The following PDIA5 variants were observed in gnomAD, a reference collection of about 807,000 sequenced individuals.
The protein encoded by PDIA5 is protein disulfide isomerase family A member 5.
PDIA5 carries 58 observed loss-of-function variants against 77.6 expected under a neutral mutation model. The observed-to-expected ratio is 0.75, with a 90% confidence interval of 0.61 to 0.93. The LOEUF (loss-of-function observed/expected upper bound fraction) is 0.93, where lower values mean the gene tolerates loss of function less well. Among genes scored for constraint, PDIA5 ranks in the 40% least tolerant of loss-of-function variants. PDIA5 has a pLI of 0.00. For synonymous variants in PDIA5, 250 were observed against 252.1 expected (o/e 0.99, Z 0.08); for missense variants, 630 against 647.7 (o/e 0.97, Z 0.30).
At chr3:123,105,855 T>C (rs1038423905) in intron 5 of PDIA5, among the ~76,000 whole-genome samples, 3 of 152,148 alleles carry the variant, frequency 2.0e-5, no homozygotes, top group Non-Finnish European at 4.4e-5. Flanking sequence ...TGATCCTGGC[T>C]CTCAGACTTT....
intron 13 of PDIA5, among the ~76,000 whole-genome samples, chr3:123,149,168 G>A (rs1326758951): frequency 6.6e-6 from 1 of 152,146 alleles, no homozygotes; most frequent in Non-Finnish European, 1.5e-5. Flanking sequence ...GAGGAGGGAA[G>A]AGTAATGTGT....
In PDIA5 at chr3:123,075,719, G is replaced by A. The variant is rs574506213; in HGVS notation, c.42+8513G>A. Among the ~76,000 whole-genome samples, 11 of 152,224 alleles carry A rather than the reference G, an allele frequency of 7.2e-5. No homozygotes were observed. The South Asian group carries it at 1.9e-3, about 26-fold the overall frequency. On this transcript the variant is annotated intron_variant, in intron 1 of 16. Transcript: ENST00000316218. ...AGTTTTTAAAAGATGGGTCAGTGAT[G>A]GAGTTTCTTCACCTTAAGGAGATAT...
chr3:123,130,396 G>A, intron 10 of PDIA5, 84 bp from the exon 11 acceptor site: 3 of 1,450,446 alleles, frequency 2.1e-6, no homozygotes, highest in Middle Eastern at 2.1e-4. Flanking sequence ...CCCATGGGGA[G>A]CTTTGGGTCC....
At chr3:123,086,440 G>A (rs563050513) in intron 1 of PDIA5, among the ~76,000 whole-genome samples, 1 of 152,282 alleles carries the variant, frequency 6.6e-6, no homozygotes, top group African/African-American at 2.4e-5. Flanking sequence ...GGCTGAGAAG[G>A]CGTGACTCAT....
At chr3:123,091,885 A>T (rs994169493) in intron 2 of PDIA5, among the ~76,000 whole-genome samples, 2 of 152,176 alleles carry the variant, frequency 1.3e-5, no homozygotes, top group Non-Finnish European at 2.9e-5. Context: ...GAAGGATCTG[A>T]TCCTAGCTCT....
intron 11 of PDIA5, among the ~76,000 whole-genome samples, chr3:123,139,905 C>T (rs1935584856): frequency 6.6e-6 from 1 of 152,180 alleles, no homozygotes; most frequent in Admixed American, 6.5e-5. Flanking sequence ...ACATACAGAG[C>T]CTCCATTCCA....
chr3:123,125,840 T>C (rs1170507562), intron 10 of PDIA5, among the ~76,000 whole-genome samples: 1 of 152,178 alleles, frequency 6.6e-6, no homozygotes, highest in African/African-American at 2.4e-5. Context: ...TTCCAGCCCC[T>C]GCCTGGGAAG....
intron 10 of PDIA5, among the ~76,000 whole-genome samples, chr3:123,128,266 G>A (rs1236814112): frequency 6.6e-6 from 1 of 152,182 alleles, no homozygotes; most frequent in East Asian, 1.9e-4. Flanking sequence ...CCCCTACTCT[G>A]CTTTTTCTGA....
At chr3:123,136,207 T>C (rs1935499761) in intron 11 of PDIA5, among the ~76,000 whole-genome samples, 1 of 152,194 alleles carries the variant, frequency 6.6e-6, no homozygotes, top group Admixed American at 6.5e-5. Context: ...GCAGCTGGGA[T>C]TATAGGCATG....
At chr3:123,132,788 A>G (rs1935400809) in intron 11 of PDIA5, among the ~76,000 whole-genome samples, 1 of 152,200 alleles carries the variant, frequency 6.6e-6, no homozygotes, top group Non-Finnish European at 1.5e-5. Context: ...GACAGCAGAT[A>G]CTGGCTGGCT....
chr3:123,130,652 C>T (rs748417388), intron 11 of PDIA5, 36 bp downstream of exon 11: 2 of 1,610,016 alleles, frequency 1.2e-6, no homozygotes, highest in South Asian at 2.2e-5. Flanking sequence ...TCCACACCCT[C>T]CCCTCTCTCA....
At chr3:123,100,696 T>A (rs780530561) in intron 3 of PDIA5, among the ~76,000 whole-genome samples, 2 of 152,234 alleles carry the variant, frequency 1.3e-5, no homozygotes, top group Non-Finnish European at 2.9e-5. Context: ...TAAGACATGC[T>A]TCTTGAGTTG....
At chr3:123,160,786 A>G (rs1936141205) in intron 15 of PDIA5, among the ~76,000 whole-genome samples, 1 of 152,162 alleles carries the variant, frequency 6.6e-6, no homozygotes, top group Non-Finnish European at 1.5e-5. Context: ...TAGCCTAGAT[A>G]CTATTATTAT....
chr3:123,084,986 A>T (rs1934098845), intron 1 of PDIA5, among the ~76,000 whole-genome samples: 1 of 152,134 alleles, frequency 6.6e-6, no homozygotes, highest in South Asian at 2.1e-4. Flanking sequence ...GCACCAGGCC[A>T]GGTCCTTGGG....
chr3:123,113,570 C>T (rs1257857908), intron 7 of PDIA5, among the ~76,000 whole-genome samples: 1 of 152,168 alleles, frequency 6.6e-6, no homozygotes, highest in Non-Finnish European at 1.5e-5. Flanking sequence ...CCCAAGGAAC[C>T]TCGGGACCCT....
chr3:123,133,632 G>A (rs757572264), intron 11 of PDIA5, among the ~76,000 whole-genome samples: 5 of 152,202 alleles, frequency 3.3e-5, no homozygotes, highest in Non-Finnish European at 7.3e-5. Context: ...AATCTGGCCT[G>A]AGTCTGTCTA....
At chr3:123,068,981 G>A (rs1039971324) in intron 1 of PDIA5, among the ~76,000 whole-genome samples, 4 of 152,220 alleles carry the variant, frequency 2.6e-5, no homozygotes, top group African/African-American at 9.6e-5. Context: ...AGGGCTGCAG[G>A]TCCCCTTCAC....
At chr3:123,159,971 T>C (rs1259137731) in intron 15 of PDIA5, among the ~76,000 whole-genome samples, 1 of 152,242 alleles carries the variant, frequency 6.6e-6, no homozygotes, top group East Asian at 1.9e-4. Context: ...ACTGTGTGAA[T>C]CATGGTTATT....
chr3:123,143,246 G>A lies in PDIA5; in HGVS notation c.911-2276G>A, dbSNP rs140225499. Among the ~76,000 whole-genome samples, 110 of 152,052 alleles carry A rather than the reference G, an allele frequency of 7.2e-4. 1 individual carries two copies. The highest frequency in any genetic ancestry group is 1.1e-3 in the Non-Finnish European group (78 of 67,984). On this transcript the variant is annotated intron_variant, in intron 11 of 16. Coordinates refer to ENST00000316218, the MANE Select transcript of PDIA5 (RefSeq NM_006810.4). ...TAAAAATACAAAAAATTAGCTGGGC[G>A]TGGTGGCACATGCCTGTAGTCCCAG...
Sources: allele counts gnomAD v4.1 joint callset (sites outside exome capture counted in the v4.1 genomes callset), GRCh38; gene constraint gnomAD v4.1.1; transcripts MANE v1.5; gene names NCBI Gene and HGNC (gene_info 2026-07-23, HGNC 2026-07-21).